The following GPHN variants were observed in gnomAD, a reference collection of about 807,000 sequenced individuals.
The protein encoded by GPHN is gephyrin.
A neutral mutation model predicts 95.5 loss-of-function variants in GPHN; 17 were observed. The ratio of observed to expected loss-of-function variants is 0.18; its 90% CI spans 0.12 to 0.27. GPHN has a LOEUF of 0.27. Among genes scored for constraint, GPHN ranks in the 10% least tolerant of loss-of-function variants. The pLI is 1.00. For missense variants in GPHN, 660 were observed against 978.1 expected (o/e 0.67, Z 4.34); for synonymous variants, 320 against 322.5 (o/e 0.99, Z 0.08).
chr14:67,028,257 C>G (rs2074024036), intron 10 of GPHN, among the ~76,000 whole-genome samples: 1 of 152,088 alleles, frequency 6.6e-6, no homozygotes, highest in South Asian at 2.1e-4. Context: ...TTTTCTTTAT[C>G]CAGTTATTTA....
intron 9 of GPHN, among the ~76,000 whole-genome samples, chr14:67,015,993 C>T (rs905853100): frequency 6.6e-6 from 1 of 151,886 alleles, no homozygotes; most frequent in Non-Finnish European, 1.5e-5. Context: ...TTTCTTGTTT[C>T]GGTCTATTAA....
chr14:67,633,852 C>A, the GPHN span, among the ~76,000 whole-genome samples: 11 of 152,206 alleles, frequency 7.2e-5, no homozygotes, highest in African/African-American at 2.7e-4. Context: ...CTCTCTTATT[C>A]CTGGCTAATG....
the GPHN span, among the ~76,000 whole-genome samples, chr14:67,190,044 G>A: frequency 2.0e-5 from 3 of 148,590 alleles, no homozygotes; most frequent in East Asian, 5.9e-4. Context: ...CAGGGTTATA[G>A]GCATCGCCCA....
chr14:67,277,877 A>G, the GPHN span, among the ~76,000 whole-genome samples: 1 of 152,146 alleles, frequency 6.6e-6, no homozygotes, highest in African/African-American at 2.4e-5. Flanking sequence ...GACTGGTCTT[A>G]AGTCATAAAA....
At chr14:67,533,093 C>T in the GPHN span, among the ~76,000 whole-genome samples, 24 of 152,256 alleles carry the variant, frequency 1.6e-4, no homozygotes, top group Admixed American at 1.6e-3. Context: ...CCGCGAGCTG[C>T]CTGGAGAGCT....
At chr14:67,659,844 G>T in the GPHN span, 1 of 1,614,136 alleles carries the variant, frequency 6.2e-7, no homozygotes, top group African/African-American at 1.3e-5. Flanking sequence ...AGGTCCTTCC[G>T]GTAGTTTCGA....
chr14:67,722,153 C>T, the GPHN span, among the ~76,000 whole-genome samples: 69 of 152,236 alleles, frequency 4.5e-4, no homozygotes, highest in Admixed American at 9.2e-4. Context: ...GCTCTTCTGA[C>T]GTCTCTCTCC....
the GPHN span, among the ~76,000 whole-genome samples, chr14:67,491,714 A>G: frequency 5.3e-5 from 8 of 152,326 alleles, no homozygotes; most frequent in African/African-American, 1.9e-4. Context: ...CACGTGACTC[A>G]GAACAACCAC....
chr14:67,047,851 C>T (rs565671384), intron 10 of GPHN, among the ~76,000 whole-genome samples: 1 of 152,242 alleles, frequency 6.6e-6, no homozygotes, highest in South Asian at 2.1e-4. Flanking sequence ...GTGCCAGCTA[C>T]TCGATGGGGT....
intron 10 of GPHN, among the ~76,000 whole-genome samples, chr14:67,044,077 A>G (rs1417547528): frequency 6.6e-6 from 1 of 151,784 alleles, no homozygotes; most frequent in Non-Finnish European, 1.5e-5. Flanking sequence ...GATATCCCCC[A>G]TATCATCCTA....
At chr14:66,942,172 C>G (rs1166576631) in intron 8 of GPHN, among the ~76,000 whole-genome samples, 1 of 152,106 alleles carries the variant, frequency 6.6e-6, no homozygotes, top group African/African-American at 2.4e-5. Context: ...CCACCACACC[C>G]AGCTAATTTT....
At chr14:67,369,662 A>G in the GPHN span, among the ~76,000 whole-genome samples, 3 of 152,230 alleles carry the variant, frequency 2.0e-5, no homozygotes, top group Non-Finnish European at 2.9e-5. Flanking sequence ...AATCAGTGTC[A>G]TATCTTGGGA....
At chr14:67,324,645 C>G in the GPHN span, among the ~76,000 whole-genome samples, 1 of 152,108 alleles carries the variant, frequency 6.6e-6, no homozygotes, top group Non-Finnish European at 1.5e-5. Context: ...AGTGTAGTGG[C>G]ATGTTCATGG....
the GPHN span, among the ~76,000 whole-genome samples, chr14:67,216,693 A>G: frequency 6.6e-6 from 1 of 152,064 alleles, no homozygotes; most frequent in Non-Finnish European, 1.5e-5. Flanking sequence ...TTTAATTTTT[A>G]TGTATTGTAT....
chr14:67,186,442 C>A (rs190250650), downstream of GPHN, among the ~76,000 whole-genome samples: 80 of 151,970 alleles, frequency 5.3e-4, no homozygotes, highest in Non-Finnish European at 1.0e-3. Context: ...GTGTTGGAGG[C>A]CTAGAAAAAA....
At chr14:67,275,285 A>G in the GPHN span, among the ~76,000 whole-genome samples, 1 of 152,156 alleles carries the variant, frequency 6.6e-6, no homozygotes, top group African/African-American at 2.4e-5. Flanking sequence ...TTATTTTGAG[A>G]TACATTCCAT....
the GPHN span, among the ~76,000 whole-genome samples, chr14:67,568,463 GA>G: frequency 6.6e-6 from 1 of 152,052 alleles, no homozygotes; most frequent in Non-Finnish European, 1.5e-5. Flanking sequence ...GGCGGTGGGG[GA>G]GTATTAGGGA....
At chr14:67,559,787 G>A in the GPHN span, 5 of 757,994 alleles carry the variant, frequency 6.6e-6, no homozygotes, top group African/African-American at 1.7e-5. Flanking sequence ...AGGGTGCCTC[G>A]GCTGACCTTC....
chr14:67,473,226 A>G, the GPHN span: 14 of 704,860 alleles, frequency 2.0e-5, no homozygotes, highest in Non-Finnish European at 3.0e-5. This position sits in a 1 kb window ranked among gnomAD's most constrained non-coding sequence, Gnocchi z 6.5. Context: ...CTGCCTCCAC[A>G]CCCCATCCCC....
Sources: gnomAD v4.1 joint callset for allele counts (sites outside exome capture counted in the v4.1 genomes callset) on GRCh38, gnomAD v4.1.1 for gene constraint, Gnocchi (gnomAD v3.1) non-coding constraint, MANE v1.5 for transcripts, NCBI Gene and HGNC (gene_info 2026-07-23, HGNC 2026-07-21) for gene names.